HOXA10: variants seen among roughly 807,000 people sequenced by gnomAD.
HOXA10 encodes the protein homeobox protein Hox-A10.
A neutral mutation model predicts 29.7 loss-of-function variants in HOXA10; 12 were observed. The ratio of observed to expected loss-of-function variants is 0.40; its 90% confidence interval spans 0.26 to 0.65. The LOEUF is 0.65. Ranked by LOEUF, HOXA10 falls within the 30% of genes least tolerant of loss-of-function variation. The pLI is 0.37. For synonymous variants in HOXA10, 327 were observed against 280.7 expected, an observed-to-expected ratio of 1.16 and a Z score of -1.65; for missense variants, 656 against 585.9, an observed-to-expected ratio of 1.12 and a Z score of -1.24.
In HOXA10 at chr7:27,172,173, C is replaced by A; in HGVS notation, c.959G>T (p.Gly320Val). The A allele has an allele frequency of 1.2e-6, 2 of 1,613,754 alleles. No individual in the cohort carries two copies. Among genetic ancestry groups the A allele is most frequent in the Non-Finnish European group, 1.7e-6 (2 of 1,180,024 alleles). The change falls in exon 2 of 2, where the codon GGC becomes GTC. Residue 320 changes from glycine to valine, a missense_variant and splice_region_variant. By Grantham distance (109) the Gly-to-Val change is moderately radical. This residue lies in a region of HOXA10 where 594 missense variants were observed against 491.9 expected (regional missense o/e 1.21). Coordinates refer to ENST00000283921, the MANE Select transcript of HOXA10 (RefSeq NM_018951.4). Reference protein sequence around the residue: ...SKASPEKDSLGNSKGENAANW... With the variant: ...SKASPEKDSLVNSKGENAANW... ...GGCTGCGTTTTCACCTTTGGAATTG[C>A]CTGGCATGTAAGAGAATAAAGAGGG...
exon 1 of HOXA10, chr7:27,179,857 A>G (rs1283809323): frequency 4.3e-6 from 3 of 692,086 alleles, no homozygotes; most frequent in Non-Finnish European, 7.9e-6. Context: ...GCCAAGAATC[A>G]TGCTGGGGTT....
chr7:27,175,822 C>T (rs1783644895), upstream of HOXA10, among the ~76,000 whole-genome samples: 1 of 152,254 alleles, frequency 6.6e-6, no homozygotes, highest in South Asian at 2.1e-4. Context: ...CCGCTGCCTT[C>T]AGCTGGGAAA....
upstream of HOXA10, among the ~76,000 whole-genome samples, chr7:27,177,052 C>T (rs972424827): frequency 4.6e-5 from 7 of 152,166 alleles, no homozygotes; most frequent in East Asian, 1.9e-4. Context: ...GTCAGGGCCC[C>T]GTAGGGCAGC....
chr7:27,173,091 C>A (rs930225328), intron 1 of HOXA10: 8 of 572,182 alleles, frequency 1.4e-5, no homozygotes, highest in Non-Finnish European at 2.2e-5. Flanking sequence ...AGGGGGCCTG[C>A]TCGCTGGTGT....
At chr7:27,174,715 G>A (rs1397425133), upstream of HOXA10, 1 of 219,166 alleles carries the variant, frequency 4.6e-6, no homozygotes, top group African/African-American at 2.4e-5. Context: ...CCCTGTCGCA[G>A]AAGCTGCCAC....
exon 1 of HOXA10, chr7:27,179,746 C>T (rs1783721384): frequency 2.7e-6 from 2 of 733,338 alleles, no homozygotes; most frequent in Non-Finnish European, 2.5e-6. Flanking sequence ...ATTACCATAC[C>T]AATCACTTCT....
chr7:27,172,297 C>A (rs1005787113), intron 1 of HOXA10, 124 bp from the exon 2 acceptor site: 1 of 1,060,078 alleles, frequency 9.4e-7, no homozygotes. Flanking sequence ...GAGAGTCGTG[C>A]CCCCGTTTTT....
rs1252631231 is a variant in HOXA10 at position 27,172,180 on chromosome 7, T to G, written c.959-7A>C. On this transcript the variant is annotated splice_region_variant and splice_polypyrimidine_tract_variant and intron_variant, in intron 1 of 1. Transcript: ENST00000283921. ...TTTTCACCTTTGGAATTGCCTGGCA[T>G]GTAAGAGAATAAAGAGGGGATGATT... 1 of 1,613,576 alleles carries G rather than the reference T, an allele frequency of 6.2e-7. No individual in the cohort carries two copies. Among genetic ancestry groups the G allele is most frequent in the South Asian group, 1.1e-5 (1 of 91,052 alleles).
In HOXA10 at chr7:27,172,161, C is replaced by T. The variant is rs751118803; in HGVS notation, c.971G>A (p.Gly324Asp). ...CGTGAGCCAGTTGGCTGCGTTTTCA[C>T]CTTTGGAATTGCCTGGCATGTAAGA... ...PEKDSLGNSK[G>D]ENAANWLTAK... Residue 324 changes from glycine (G) to aspartate (D), a missense_variant, in exon 2 of 2, where the codon GGT (glycine) becomes GAT (aspartate). Around this residue, in one of 2 missense-constraint regions of HOXA10, gnomAD observed 594 missense variants for 491.9 expected, o/e 1.21. Coordinates refer to ENST00000283921, the MANE Select transcript of HOXA10 (RefSeq NM_018951.4). 4.3e-6 allele frequency: 7 copies of T among 1,613,858 alleles called. No individual in the cohort carries two copies. Among genetic ancestry groups the T allele is most frequent in the Non-Finnish European group, 5.9e-6 (7 of 1,180,038 alleles).
chr7:27,173,732 G>A lies in HOXA10; in HGVS notation c.575C>T (p.Pro192Leu). ...GCAGCCGTCGGGCGGCGGGCCCCGC[G>A]GGAAGGGAGCCAGTTCGGCGGCGGT... ...SATAAELAPF[P>L]RGPPPDGCAL... Residue 192 changes from proline (P) to leucine (L), a missense_variant, in exon 1 of 2, where the codon CCG (proline) becomes CTG (leucine). By Grantham distance (98) the Pro-to-Leu change is moderately conservative. Around this residue, in one of 2 missense-constraint regions of HOXA10, gnomAD observed 594 missense variants for 491.9 expected, o/e 1.21. Coordinates refer to ENST00000283921, the MANE Select transcript of HOXA10 (RefSeq NM_018951.4). 6.3e-7 allele frequency: 1 copy of A among 1,592,986 alleles called. No individual in the cohort carries two copies. The highest frequency in any genetic ancestry group is 8.5e-7 in the Non-Finnish European group (1 of 1,170,506).
chr7:27,179,244 C>T (rs1411636191), upstream of HOXA10, among the ~76,000 whole-genome samples: 1 of 151,866 alleles, frequency 6.6e-6, no homozygotes, highest in African/African-American at 2.4e-5. Context: ...CTCGCCTTAG[C>T]GGCCGCAGAC....
chr7:27,174,677 C>T (rs144499584), upstream of HOXA10: 192 of 288,844 alleles, frequency 6.6e-4, 4 homozygotes, highest in East Asian at 0.016. Context: ...TTATGGTGCG[C>T]GCCCAGTCTG....
chr7:27,176,150 T>G (rs1583436137), upstream of HOXA10, among the ~76,000 whole-genome samples: 3 of 151,090 alleles, frequency 2.0e-5, no homozygotes, highest in East Asian at 3.9e-4. Flanking sequence ...AAGAGAGAGA[T>G]AGAAGGAGAG....
upstream of HOXA10, among the ~76,000 whole-genome samples, chr7:27,175,891 GC>G (rs1562512190): frequency 1.3e-5 from 2 of 152,238 alleles, no homozygotes; most frequent in Non-Finnish European, 2.9e-5. Flanking sequence ...TGTGAATCCA[GC>G]CCAAGGTGGA....
Position 27,174,121 on chromosome 7 carries a change from C to A in HOXA10, c.186G>T (p.Gly62=). The A allele has an allele frequency of 1.3e-6, 2 of 1,587,852 alleles. No homozygotes were observed. Among genetic ancestry groups the A allele is most frequent in the South Asian group, 2.2e-5 (2 of 90,546 alleles). ...GGGGGYYAHG[G]VYLPPAADLP... ...GGTCGGCGGCGGGCGGCAGGTAGAC[C>A]CCGCCGTGGGCGTAGTAACCGCCAC... The change falls in exon 1 of 2, where the codon GGG becomes GGT. Residue 62 remains glycine (G), a synonymous_variant. Transcript: ENST00000283921.
rs1191425073 is a variant in HOXA10, at chr7:27,173,456, C to G, written c.851G>C (p.Gly284Ala). Reference protein sequence around the residue: ...PPPTLACGSGGGSQGDEEAHA... With the variant: ...PPPTLACGSGAGSQGDEEAHA... ...CGCCTCCTCGTCGCCCTGCGAGCCCCCGCCGCTGCCGCAAGCCAGCGTGGG... is the reference window on the plus strand; with the variant it reads ...CGCCTCCTCGTCGCCCTGCGAGCCCGCGCCGCTGCCGCAAGCCAGCGTGGG... Residue 284 changes from glycine (G) to alanine (A), a missense_variant, in exon 1 of 2, where the codon GGG (glycine) becomes GCG (alanine). Physicochemically the swap from Gly to Ala is moderately conservative, Grantham distance 60. This residue lies in a region of HOXA10 where 594 missense variants were observed against 491.9 expected (regional missense o/e 1.21). Transcript: ENST00000283921. The G allele has an allele frequency of 1.3e-6, 2 of 1,575,728 alleles. No individual in the cohort carries two copies. Among genetic ancestry groups the G allele is most frequent in the Non-Finnish European group, 1.7e-6 (2 of 1,165,338 alleles).
chr7:27,175,145 C>T (rs377453451), upstream of HOXA10: 1 of 152,320 alleles, frequency 6.6e-6, no homozygotes, highest in African/African-American at 2.4e-5. Flanking sequence ...CCCACTCCCA[C>T]TCCCAAGGCC....
intron 1 of HOXA10, 34 bp downstream of exon 1, chr7:27,173,315 C>T: frequency 6.2e-7 from 1 of 1,610,210 alleles, no homozygotes; most frequent in South Asian, 1.1e-5. Flanking sequence ...GCCTGTCTGC[C>T]CGCCTGACTG....
intron 1 of HOXA10, 53 bp downstream of exon 1, chr7:27,173,296 C>T: frequency 6.2e-7 from 1 of 1,607,192 alleles, no homozygotes; most frequent in Non-Finnish European, 8.5e-7. Flanking sequence ...CCTTCTCCTC[C>T]TTGTGTCTGC....
Sources: allele counts gnomAD v4.1 joint callset (sites outside exome capture counted in the v4.1 genomes callset), GRCh38; gene constraint gnomAD v4.1.1; regional missense constraint gnomAD v4.1.1; transcripts MANE v1.5; gene names NCBI Gene and HGNC (gene_info 2026-07-23, HGNC 2026-07-21).